Variants in ZEB1 observed in about 807,000 individuals in gnomAD.
ZEB1 encodes zinc finger E-box-binding homeobox 1.
ZEB1 carries 21 observed loss-of-function variants against 84.9 expected under a neutral mutation model. The ratio of observed to expected loss-of-function variants is 0.25; its 90% CI spans 0.18 to 0.36. ZEB1 has a LOEUF of 0.36. ZEB1 is among the 10% of genes least tolerant of loss of function. ZEB1 has a pLI of 1.00. For missense variants in ZEB1, 1,104 were observed against 1,330.2 expected, an observed-to-expected ratio of 0.83 and a Z score of 2.65; for synonymous variants, 420 against 471.1, an observed-to-expected ratio of 0.89 and a Z score of 1.41.
At chr10:31,492,503 C>T (rs1591822836) in intron 2 of ZEB1, among the ~76,000 whole-genome samples, 1 of 151,690 alleles carries the variant, frequency 6.6e-6, no homozygotes, top group African/African-American at 2.4e-5. Context: ...AATATTTAAC[C>T]TCATCATAAG....
At chr10:31,344,650 C>T (rs942915339) in intron 1 of ZEB1, among the ~76,000 whole-genome samples, 5 of 152,050 alleles carry the variant, frequency 3.3e-5, no homozygotes, top group Non-Finnish European at 5.9e-5. Context: ...AACTAGTTAC[C>T]TTTACAGTTT....
intron 2 of ZEB1, among the ~76,000 whole-genome samples, chr10:31,482,821 TATAATA>T (rs923724593): frequency 6.6e-6 from 1 of 152,008 alleles, no homozygotes; most frequent in Non-Finnish European, 1.5e-5. Flanking sequence ...AATATTGGAA[TATAATA>T]ATAATTCAGT....
intron 4 of ZEB1, among the ~76,000 whole-genome samples, chr10:31,505,835 C>T (rs920095834): frequency 6.9e-6 from 1 of 144,194 alleles, no homozygotes; most frequent in African/African-American, 2.4e-5. Context: ...TCTTGAGGCA[C>T]ATTGTTAGAT....
chr10:31,400,864 T>G (rs2051847530), intron 1 of ZEB1, among the ~76,000 whole-genome samples: 1 of 152,166 alleles, frequency 6.6e-6, no homozygotes, highest in African/African-American at 2.4e-5. Context: ...TCATAATTAT[T>G]TTTTCTTGAC....
At chr10:31,513,361 A>G (rs975838742) in intron 5 of ZEB1, among the ~76,000 whole-genome samples, 1 of 152,206 alleles carries the variant, frequency 6.6e-6, no homozygotes, top group African/African-American at 2.4e-5. Flanking sequence ...CTAAAGACGG[A>G]GCTGGCTTGC....
intron 1 of ZEB1, among the ~76,000 whole-genome samples, chr10:31,415,535 A>T (rs1021368151): frequency 2.1e-5 from 3 of 141,854 alleles, no homozygotes; most frequent in African/African-American, 3.1e-5. Context: ...ATTATAATTT[A>T]AAAAAAAATC....
intron 1 of ZEB1, among the ~76,000 whole-genome samples, chr10:31,357,470 A>C (rs1486749765): frequency 6.6e-6 from 1 of 152,162 alleles, no homozygotes; most frequent in Non-Finnish European, 1.5e-5. Flanking sequence ...TGGGCCCCTG[A>C]AAGCATTACT....
At chr10:31,339,088 G>A (rs190162036) in intron 1 of ZEB1, among the ~76,000 whole-genome samples, 2 of 152,192 alleles carry the variant, frequency 1.3e-5, no homozygotes, top group Admixed American at 6.5e-5. Flanking sequence ...TAGAGTAATA[G>A]TTCTTTACCC....
chr10:31,440,854 G>A (rs1038183495), intron 1 of ZEB1, among the ~76,000 whole-genome samples: 4 of 152,274 alleles, frequency 2.6e-5, no homozygotes, highest in African/African-American at 4.8e-5. Flanking sequence ...TACAAGGGAC[G>A]TGAAGGACCT....
At chr10:31,339,924 G>A (rs1021239001) in intron 1 of ZEB1, among the ~76,000 whole-genome samples, 2 of 152,082 alleles carry the variant, frequency 1.3e-5, no homozygotes, top group Non-Finnish European at 2.9e-5. Context: ...CTACTAGGGA[G>A]AGGAGGTCAT....
At position 31,359,195 on chromosome 10, in the gene ZEB1, T is replaced by C. The variant is rs547587728; in HGVS notation, c.58+39903T>C. On this transcript the variant is annotated intron_variant, in intron 1 of 8. Transcript: ENST00000424869. ...AGACTGTGTTTTGGCACTTCTGCTG[T>C]AACAGTTTTTAAAGATCCAACCTGT... 3.9e-5 allele frequency among the ~76,000 whole-genome samples: 6 copies of C among 152,272 alleles called. No homozygotes were observed. The East Asian group carries it at 1.2e-3, about 29-fold the overall frequency.
At chr10:31,460,375 G>T (rs1180212326) in intron 1 of ZEB1, among the ~76,000 whole-genome samples, 1 of 152,066 alleles carries the variant, frequency 6.6e-6, no homozygotes, top group Non-Finnish European at 1.5e-5. Context: ...TGACTAATTT[G>T]GTTGATTCTT....
In ZEB1 at chr10:31,521,732, C is replaced by T. The variant is rs1343696508; in HGVS notation, c.2400C>T (p.Pro800=). Residue 800 remains proline, a synonymous_variant, in exon 7 of 9, where the codon CCC becomes CCT. Transcript: ENST00000424869. ...ATGTAATCCCACCAAGTGCCAACCCCATAAATATCGCTATACCTACAGTCA... is the reference window on the plus strand; with the variant it reads ...ATGTAATCCCACCAAGTGCCAACCCTATAAATATCGCTATACCTACAGTCA... ...VVNVIPPSAN[P]INIAIPTVTA... 1 of 1,614,128 alleles carries T rather than the reference C, an allele frequency of 6.2e-7. No individual in the cohort carries two copies. Among genetic ancestry groups the T allele is most frequent in the South Asian group, 1.1e-5 (1 of 91,080 alleles).
chr10:31,383,193 T>G (rs1414875808), intron 1 of ZEB1, among the ~76,000 whole-genome samples: 1 of 152,146 alleles, frequency 6.6e-6, no homozygotes, highest in Admixed American at 6.5e-5. Context: ...AGAACAACAC[T>G]GTTCAGGAGA....
At chr10:31,333,398 A>C (rs1248634110) in intron 1 of ZEB1, among the ~76,000 whole-genome samples, 4 of 152,156 alleles carry the variant, frequency 2.6e-5, no homozygotes, top group Non-Finnish European at 4.4e-5. Context: ...GATGGTCTGA[A>C]ATGTAAAAAG....
At chr10:31,363,085 G>T (rs1215954831) in intron 1 of ZEB1, 1 of 1,534,012 alleles carries the variant, frequency 6.5e-7, no homozygotes, top group South Asian at 1.2e-5. Flanking sequence ...TCTTTTGTGG[G>T]ACCTGTGGCC....
intron 1 of ZEB1, among the ~76,000 whole-genome samples, chr10:31,356,223 G>A (rs1441561604): frequency 6.6e-6 from 1 of 151,964 alleles, no homozygotes; most frequent in African/African-American, 2.4e-5. Context: ...TTTGAATTGT[G>A]CTAATTCTTG....
At chr10:31,453,669 A>G (rs1310236998) in intron 1 of ZEB1, among the ~76,000 whole-genome samples, 1 of 152,174 alleles carries the variant, frequency 6.6e-6, no homozygotes, top group East Asian at 1.9e-4. Context: ...GAAATGGATA[A>G]ATTCCTGGAC....
chr10:31,423,734 C>A (rs2056542626), intron 1 of ZEB1, among the ~76,000 whole-genome samples: 1 of 152,004 alleles, frequency 6.6e-6, no homozygotes, highest in African/African-American at 2.4e-5. Context: ...CAGAAAACTT[C>A]AGGGTTTTTA....
Sources: gnomAD v4.1 joint callset for allele counts (sites outside exome capture counted in the v4.1 genomes callset) on GRCh38, gnomAD v4.1.1 for gene constraint, MANE v1.5 for transcripts, NCBI Gene and HGNC (gene_info 2026-07-23, HGNC 2026-07-21) for gene names.